The following IQSEC2 variants were observed in gnomAD, a reference collection of about 807,000 sequenced individuals.
IQSEC2 encodes IQ motif and Sec7 domain ArfGEF 2.
Under a neutral mutation model 74.6 loss-of-function variants are expected in IQSEC2, and 6 were observed. That is an observed-to-expected ratio of 0.08 (90% CI 0.04 to 0.16). IQSEC2 has a LOEUF of 0.16. Among genes scored for constraint, IQSEC2 ranks in the 10% least tolerant of loss-of-function variants. The pLI, the probability that IQSEC2 is intolerant of heterozygous loss-of-function variation, is 1.00. For missense variants in IQSEC2, 734 were observed against 1,306.2 expected, an observed-to-expected ratio of 0.56 and a Z score of 6.75; for synonymous variants, 494 against 544.5, an observed-to-expected ratio of 0.91 and a Z score of 1.29.
chrX:53,280,226 TG>T (rs2074930694), intron 2 of IQSEC2, among the ~76,000 whole-genome samples: 1 of 41,003 alleles, frequency 2.4e-5, no homozygotes, highest in Non-Finnish European at 4.5e-5. Context: ...GAAAGATGCA[TG>T]GGGGCTCCCC....
chrX:53,226,784 C>T, downstream of IQSEC2: 1 of 112,267 alleles, frequency 8.9e-6, no homozygotes, highest in Middle Eastern at 4.6e-3. Flanking sequence ...CCCACCAGCT[C>T]TGCCATTTTC....
chrX:53,291,967 C>T (rs1419967970), intron 1 of IQSEC2, 43 bp from the exon 2 acceptor site: 7 of 1,123,289 alleles, frequency 6.2e-6, no homozygotes, highest in African/African-American at 1.8e-5. Flanking sequence ...GGTCAGTATA[C>T]GCTCTCTTCT....
At chrX:53,235,974 C>T (rs781952492) in intron 13 of IQSEC2, 142 bp from the exon 14 acceptor site, 16 of 554,546 alleles carry the variant, frequency 2.9e-5, no homozygotes, top group South Asian at 1.9e-4. Context: ...GAGGGGGAGG[C>T]GGGGAGGAGG....
chrX:53,304,003 C>T (rs1007104206), intron 1 of IQSEC2, among the ~76,000 whole-genome samples: 1 of 108,722 alleles, frequency 9.2e-6, no homozygotes, highest in Non-Finnish European at 1.9e-5. Flanking sequence ...TGGTGGTGGG[C>T]GCGGTGCCTG....
At chrX:53,258,558 A>G (rs2074512276) in intron 2 of IQSEC2, among the ~76,000 whole-genome samples, 2 of 111,947 alleles carry the variant, frequency 1.8e-5, no homozygotes, top group Admixed American at 1.9e-4. Context: ...GAGAGCTTTC[A>G]AAAGTACAAA....
chrX:53,235,734 C>T (rs1362650352), intron 14 of IQSEC2, 49 bp downstream of exon 14: 24 of 1,144,900 alleles, frequency 2.1e-5, no homozygotes, highest in South Asian at 5.8e-5. Context: ...TCTCCATGGC[C>T]GGGGCAGGGC....
chrX:53,263,260 A>T (rs372267609), intron 2 of IQSEC2, among the ~76,000 whole-genome samples: 30 of 111,888 alleles, frequency 2.7e-4, no homozygotes, highest in African/African-American at 9.1e-4. Flanking sequence ...TGACTCATGG[A>T]TGTGGCTAGC....
At chrX:53,231,915 C>G (rs1393648973), downstream of IQSEC2, 1 of 111,759 alleles carries the variant, frequency 8.9e-6, no homozygotes, top group African/African-American at 3.3e-5. Context: ...TTGGTCTGAG[C>G]TGCTAAGAGC....
At position 53,243,390 on chromosome X, in the gene IQSEC2, T is replaced by C. The variant is rs781808414; in HGVS notation, c.2831A>G (p.Asn944Ser). 24 of 1,165,804 alleles carry C rather than the reference T, an allele frequency of 2.1e-5. No homozygotes were observed. In the Admixed American group the frequency reaches 2.6e-4, roughly 13 times the overall value. ...QRIQGRELRT[N>S]DDHVSQVQAV... ...CTGCACCTGGGACACATGGTCATCG[T>C]TGGTCCGCAGTTCACGCCCCTGGAT... Residue 944 changes from asparagine to serine, a missense_variant, in exon 9 of 15, where the codon AAC becomes AGC. Coordinates refer to ENST00000642864, the MANE Select transcript of IQSEC2 (RefSeq NM_001111125.3).
At chrX:53,313,200 T>TGTAC (rs2075338177) in intron 1 of IQSEC2, among the ~76,000 whole-genome samples, 1 of 112,276 alleles carries the variant, frequency 8.9e-6, no homozygotes, top group South Asian at 3.7e-4. Context: ...AGGACCTTGA[T>TGTAC]GTACGGTATG....
At chrX:53,297,499 G>A (rs1480731893) in intron 1 of IQSEC2, among the ~76,000 whole-genome samples, 4 of 109,557 alleles carry the variant, frequency 3.7e-5, no homozygotes, top group Non-Finnish European at 5.7e-5. Flanking sequence ...GTGAATTTTT[G>A]TATTTTTTGT....
At chrX:53,308,163 C>CAAAAAA (rs142766855) in intron 1 of IQSEC2, among the ~76,000 whole-genome samples, 4 of 37,746 alleles carry the variant, frequency 1.1e-4, no homozygotes, top group African/African-American at 3.3e-4. Flanking sequence ...GACTCCATCT[C>CAAAAAA]AAAAAAAAAA....
At chrX:53,293,687 A>T (rs1398498085) in intron 1 of IQSEC2, among the ~76,000 whole-genome samples, 1 of 110,960 alleles carries the variant, frequency 9.0e-6, no homozygotes, top group African/African-American at 3.3e-5. Context: ...CCCAGCACAC[A>T]TGTATTCAGT....
At chrX:53,257,357 C>T (rs1556865535) in intron 2 of IQSEC2, among the ~76,000 whole-genome samples, 1 of 112,682 alleles carries the variant, frequency 8.9e-6, no homozygotes, top group South Asian at 3.6e-4. Flanking sequence ...GCTGCGCCCA[C>T]GAGGCCCGGT....
chrX:53,320,730 C>T lies in IQSEC2; in HGVS notation c.394G>A (p.Asp132Asn). 1.7e-6 allele frequency: 2 copies of T among 1,167,638 alleles called. No individual in the cohort carries two copies. Among genetic ancestry groups the T allele is most frequent in the East Asian group, 3.3e-5 (1 of 30,748 alleles). ...GGGTAGGAGGCGTCCCGCTCCTTGT[C>T]CCGATACACAGCCTCCCGATTCTGG... ...AYQNREAVYR[D>N]KERDASYPLQ... The change falls in exon 1 of 15, where the codon GAC (aspartate) becomes AAC (asparagine). Residue 132 changes from aspartate to asparagine, a missense_variant. Physicochemically the swap from Asp to Asn is conservative, Grantham distance 23. Around this residue, in one of 12 missense-constraint regions of IQSEC2, gnomAD observed 134 missense variants for 214.9 expected, o/e 0.62. Transcript: ENST00000642864.
intron 10 of IQSEC2, among the ~76,000 whole-genome samples, chrX:53,241,229 C>T (rs1057221714): frequency 4.8e-4 from 53 of 111,550 alleles, no homozygotes; most frequent in African/African-American, 1.6e-3. Context: ...ACTCAGCCTC[C>T]CAAGTAGCTG....
intron 14 of IQSEC2, among the ~76,000 whole-genome samples, chrX:53,235,548 C>T (rs1460686349): frequency 9.0e-6 from 1 of 111,470 alleles, no homozygotes; most frequent in African/African-American, 3.3e-5. Flanking sequence ...CATCCCTACT[C>T]GCCGTCGGCC....
intron 2 of IQSEC2, among the ~76,000 whole-genome samples, chrX:53,277,923 G>C: frequency 9.1e-6 from 1 of 109,525 alleles, no homozygotes; most frequent in South Asian, 3.9e-4. Flanking sequence ...CACCCACCTT[G>C]GCCTCCCAAA....
chrX:53,296,877 C>CAA (rs1414875282), intron 1 of IQSEC2, among the ~76,000 whole-genome samples: 1 of 111,965 alleles, frequency 8.9e-6, no homozygotes, highest in African/African-American at 3.2e-5. Context: ...GCTGTTTTTA[C>CAA]ACACGACTGT....
Sources: allele counts gnomAD v4.1 joint callset (sites outside exome capture counted in the v4.1 genomes callset), GRCh38; gene constraint gnomAD v4.1.1; regional missense constraint gnomAD v4.1.1; transcripts MANE v1.5; gene names NCBI Gene and HGNC (gene_info 2026-07-23, HGNC 2026-07-21).